Variants in ARID1B observed in about 807,000 individuals in gnomAD.
ARID1B encodes the protein AT-rich interaction domain 1B.
ARID1B carries 30 observed loss-of-function variants against 212.3 expected under a neutral mutation model. That is an observed-to-expected ratio of 0.14 (90% CI 0.11 to 0.19). The LOEUF (loss-of-function observed/expected upper bound fraction) is 0.19, where lower values mean the gene tolerates loss of function less well. ARID1B is among the 10% of genes least tolerant of loss of function. The pLI, the probability that ARID1B is intolerant of heterozygous loss-of-function variation, is 1.00. For missense variants in ARID1B, 2,891 were observed against 3,204.0 expected (o/e 0.90, Z 2.36); for synonymous variants, 1,402 against 1,301.7 (o/e 1.08, Z -1.66).
intron 1 of ARID1B, among the ~76,000 whole-genome samples, chr6:156,802,458 A>C (rs1357014385): frequency 6.6e-6 from 1 of 152,248 alleles, no homozygotes; most frequent in Non-Finnish European, 1.5e-5. Context: ...AACCTGAAAA[A>C]TAATAAAATA....
At chr6:157,154,493 A>C in intron 8 of ARID1B, among the ~76,000 whole-genome samples, 1 of 147,334 alleles carries the variant, frequency 6.8e-6, no homozygotes, top group Non-Finnish European at 1.5e-5. Context: ...AAAGACCTAC[A>C]GGGTCACCCA....
chr6:156,909,123 CTTTTTTT>C (rs60183999), intron 3 of ARID1B, among the ~76,000 whole-genome samples: 1 of 108,820 alleles, frequency 9.2e-6, no homozygotes, highest in East Asian at 2.6e-4. Flanking sequence ...TTTTCTTTCT[CTTTTTTT>C]TTTTTTTTTT....
At chr6:156,781,610 T>C (rs535244084) in intron 1 of ARID1B, among the ~76,000 whole-genome samples, 3 of 152,156 alleles carry the variant, frequency 2.0e-5, no homozygotes, top group Admixed American at 6.5e-5. Flanking sequence ...AACACTGCTG[T>C]CCACTGCTTT....
At chr6:157,021,361 C>T (rs1201437805) in intron 4 of ARID1B, among the ~76,000 whole-genome samples, 1 of 152,228 alleles carries the variant, frequency 6.6e-6, no homozygotes, top group African/African-American at 2.4e-5. Context: ...GTGGGACCAC[C>T]AGGCAGCGGG....
At chr6:156,896,447 G>A (rs924557869) in intron 2 of ARID1B, among the ~76,000 whole-genome samples, 2 of 151,594 alleles carry the variant, frequency 1.3e-5, no homozygotes, top group African/African-American at 4.9e-5. Context: ...GTGGTGGCCC[G>A]CTCCTGTAAT....
chr6:156,828,919 C>T (rs1038506827), intron 1 of ARID1B, among the ~76,000 whole-genome samples: 1 of 152,158 alleles, frequency 6.6e-6, no homozygotes, highest in Non-Finnish European at 1.5e-5. Context: ...TGCTCTTTTC[C>T]TGTACGCATA....
intron 3 of ARID1B, among the ~76,000 whole-genome samples, chr6:156,919,319 A>G (rs1225650856): frequency 6.6e-6 from 1 of 152,004 alleles, no homozygotes; most frequent in Non-Finnish European, 1.5e-5. Flanking sequence ...TTGGGAATTT[A>G]ATTGCATTGG....
At chr6:157,070,511 A>G (rs1007265117) in intron 4 of ARID1B, among the ~76,000 whole-genome samples, 1 of 152,192 alleles carries the variant, frequency 6.6e-6, no homozygotes, top group Non-Finnish European at 1.5e-5. Flanking sequence ...CTCAGTTTAT[A>G]ACATATGTCA....
At chr6:156,897,252 C>CTTATTATTATTATTATTATTATTA (rs1351964431) in intron 2 of ARID1B, among the ~76,000 whole-genome samples, 2 of 96,832 alleles carry the variant, frequency 2.1e-5, no homozygotes, top group Non-Finnish European at 4.5e-5. Context: ...TCTTCTTCTT[C>CTTATTATTATTATTATTATTATTA]TTCTTCTTCT....
At chr6:156,807,123 G>A (rs11967485) in intron 1 of ARID1B, among the ~76,000 whole-genome samples, 22,246 of 151,116 alleles carry the variant, frequency 0.15, 2,316 homozygotes, top group African/African-American at 0.29. Flanking sequence ...TTCCAGTTCC[G>A]TCCAAGTATT....
intron 4 of ARID1B, among the ~76,000 whole-genome samples, chr6:157,032,490 G>A (rs975107594): frequency 6.6e-6 from 1 of 152,126 alleles, no homozygotes; most frequent in African/African-American, 2.4e-5. Context: ...GTATGTTTGA[G>A]GATATTGATA....
chr6:156,932,838 CAT>C (rs1278601342), intron 3 of ARID1B, among the ~76,000 whole-genome samples: 1 of 152,190 alleles, frequency 6.6e-6, no homozygotes, highest in African/African-American at 2.4e-5. Context: ...TATGTTCAAA[CAT>C]AAGCTGAGGC....
intron 2 of ARID1B, chr6:156,871,715 G>T (rs555972736): frequency 1.7e-5 from 27 of 1,563,300 alleles, no homozygotes; most frequent in Middle Eastern, 1.7e-4. Flanking sequence ...TGACAGTGGG[G>T]GCAGCTGGCA....
At chr6:157,032,776 A>G (rs1295382387) in intron 4 of ARID1B, among the ~76,000 whole-genome samples, 1 of 152,090 alleles carries the variant, frequency 6.6e-6, no homozygotes, top group Non-Finnish European at 1.5e-5. Flanking sequence ...TGTTTCTTCC[A>G]TTTCTTTCCA....
Position 157,184,275 on chromosome 6 carries a change from C to T in ARID1B, c.3759C>T (p.Asn1253=), listed in dbSNP as rs771166112. The T allele has an allele frequency of 1.4e-5, 23 of 1,613,774 alleles. No homozygotes were observed. The highest frequency in any genetic ancestry group is 4.5e-5 in the East Asian group (2 of 44,870). Reference sequence around the variant, plus strand: ...GGCGTGAGCTGGCAACCAACCTAAACGTTGGCACCTCAAGCAGTGCAGCGA... The same window carrying T: ...GGCGTGAGCTGGCAACCAACCTAAATGTTGGCACCTCAAGCAGTGCAGCGA... ...KKWRELATNL[N]VGTSSSAASS... Residue 1253 remains asparagine, a synonymous_variant, in exon 13 of 20, where the codon AAC becomes AAT. Transcript: ENST00000636930.
At chr6:156,938,639 T>A (rs1792443228) in intron 4 of ARID1B, 1 of 152,220 alleles carries the variant, frequency 6.6e-6, no homozygotes, top group Non-Finnish European at 1.5e-5. Context: ...TTCTTAGTCT[T>A]TTTGCTTACA....
At chr6:157,090,721 G>A (rs201749988) in intron 5 of ARID1B, among the ~76,000 whole-genome samples, 21 of 152,320 alleles carry the variant, frequency 1.4e-4, no homozygotes, top group South Asian at 8.3e-4. Context: ...CTGGCCTCTC[G>A]GCAGACTACC....
intron 4 of ARID1B, among the ~76,000 whole-genome samples, chr6:157,082,310 T>A (rs1177576879): frequency 6.6e-6 from 1 of 152,150 alleles, no homozygotes; most frequent in Admixed American, 6.5e-5. Context: ...GTCAGCAAGC[T>A]TTTTCCGTTA....
At chr6:157,032,732 C>T (rs1781091433) in intron 4 of ARID1B, among the ~76,000 whole-genome samples, 2 of 152,252 alleles carry the variant, frequency 1.3e-5, no homozygotes, top group East Asian at 1.9e-4. Flanking sequence ...ACAAGAAGCA[C>T]ATGTAGTTGG....
Sources: gnomAD v4.1 joint callset for allele counts (sites outside exome capture counted in the v4.1 genomes callset) on GRCh38, gnomAD v4.1.1 for gene constraint, MANE v1.5 for transcripts, NCBI Gene and HGNC (gene_info 2026-07-23, HGNC 2026-07-21) for gene names.